The following ABCA12 variants were observed in gnomAD, a reference collection of about 807,000 sequenced individuals.
The protein encoded by ABCA12 is glucosylceramide transporter ABCA12.
Under a neutral mutation model 293.5 loss-of-function variants are expected in ABCA12, and 156 were observed. That is an observed-to-expected ratio of 0.53 (90% CI 0.47 to 0.61). The LOEUF is 0.61. Ranked by LOEUF, ABCA12 falls within the 20% of genes least tolerant of loss-of-function variation. The pLI, the probability that ABCA12 is intolerant of heterozygous loss-of-function variation, is 0.00. For missense variants in ABCA12, 2,797 were observed against 3,090.2 expected (o/e 0.91, Z 2.25); for synonymous variants, 1,063 against 1,108.0 (o/e 0.96, Z 0.81).
At chr2:215,030,208 A>G (rs1700841673) in intron 9 of ABCA12, 1 of 152,188 alleles carries the variant, frequency 6.6e-6, no homozygotes, top group African/African-American at 2.4e-5. Context: ...TCATAAAAAT[A>G]CATGGCTTCA....
intron 2 of ABCA12, among the ~76,000 whole-genome samples, chr2:215,090,093 G>T (rs545428950): frequency 6.6e-6 from 1 of 152,228 alleles, no homozygotes; most frequent in Non-Finnish European, 1.5e-5. Context: ...CTCCCACTGA[G>T]CTTCCTTGTG....
At chr2:214,937,259 C>T (rs1399668980) in intron 51 of ABCA12, among the ~76,000 whole-genome samples, 2 of 152,144 alleles carry the variant, frequency 1.3e-5, no homozygotes, top group Non-Finnish European at 2.9e-5. Flanking sequence ...AGTGCAGTGG[C>T]ATGATCTTGA....
chr2:215,027,038 T>C, intron 9 of ABCA12, 100 bp from the exon 10 acceptor site: 1 of 894,148 alleles, frequency 1.1e-6, no homozygotes, highest in Non-Finnish European at 1.9e-6. Flanking sequence ...ATTGGTTGAC[T>C]TGGACATTGA....
intron 2 of ABCA12, among the ~76,000 whole-genome samples, chr2:215,091,693 G>A (rs1702150554): frequency 6.6e-6 from 1 of 152,174 alleles, no homozygotes; most frequent in African/African-American, 2.4e-5. Context: ...CCTTCAAGGT[G>A]TACAATAATA....
Position 214,945,208 on chromosome 2 carries a change from C to T in ABCA12, c.7240-104G>A, listed in dbSNP as rs770255164. On this transcript the variant is annotated intron_variant, in intron 48 of 52. Transcript: ENST00000272895. The stretch of plus-strand genomic sequence containing the variant: ...ACTTCCCTAGAACAGAAATACTTTT[C>T]GAGGTCCTGTGACTAACTTGTTTTA... The T allele has an allele frequency of 2.8e-5, 27 of 952,160 alleles. 1 individual carries two copies. The highest frequency in any genetic ancestry group is 6.0e-4 in the Middle Eastern group (2 of 3,318). The allele number at this position is 952,160 out of a possible 1,614,324, so 59.0% of individuals were successfully genotyped here. A position where few individuals can be genotyped will look rare whatever the true frequency, so the allele number is the denominator to read the frequency against.
intron 2 of ABCA12, among the ~76,000 whole-genome samples, chr2:215,104,184 T>C (rs971281726): frequency 7.9e-5 from 12 of 152,092 alleles, no homozygotes; most frequent in African/African-American, 2.7e-4. Flanking sequence ...ACAATCACCT[T>C]TGGGAAGCTT....
At chr2:215,108,383 G>A (rs1009929932) in intron 2 of ABCA12, among the ~76,000 whole-genome samples, 4 of 152,148 alleles carry the variant, frequency 2.6e-5, no homozygotes, top group African/African-American at 9.7e-5. Flanking sequence ...TTTACAAAAT[G>A]TAAATGATGC....
At chr2:214,935,320 G>A (rs561455299) in intron 51 of ABCA12, among the ~76,000 whole-genome samples, 4 of 152,046 alleles carry the variant, frequency 2.6e-5, no homozygotes, top group Admixed American at 2.6e-4. Context: ...TATAGCCCTG[G>A]TCCCATGAGG....
chr2:215,122,067 T>C (rs965241442), intron 1 of ABCA12, among the ~76,000 whole-genome samples: 2 of 152,234 alleles, frequency 1.3e-5, no homozygotes, highest in African/African-American at 4.8e-5. Flanking sequence ...AATCCGTACT[T>C]ATAGATTTGA....
intron 10 of ABCA12, 39 bp from the exon 11 acceptor site, chr2:215,025,818 C>T (rs763221212): frequency 2.7e-6 from 4 of 1,460,548 alleles, no homozygotes; most frequent in South Asian, 2.3e-5. Context: ...ATGTGAATTG[C>T]AAGGTCATTT....
chr2:215,111,707 G>T lies in ABCA12; in HGVS notation c.70-17C>A. The T allele has an allele frequency of 6.3e-7, 1 of 1,590,452 alleles. No homozygotes were observed. Reference sequence around the variant, plus strand: ...TGTCCAAAGCTGCAAAATAATGGTAGAAAAAATTGTTAGTTTTATTGTTGA... The same window carrying T: ...TGTCCAAAGCTGCAAAATAATGGTATAAAAAATTGTTAGTTTTATTGTTGA... On this transcript the variant is annotated splice_polypyrimidine_tract_variant and intron_variant, in intron 1 of 52. Transcript: ENST00000272895.
chr2:214,943,437 G>A (rs537587001), intron 49 of ABCA12, among the ~76,000 whole-genome samples: 17 of 152,094 alleles, frequency 1.1e-4, no homozygotes, highest in East Asian at 3.9e-4. Context: ...ATGAGCCACC[G>A]TGCCTGGCCT....
intron 3 of ABCA12, among the ~76,000 whole-genome samples, chr2:215,062,124 G>C (rs561491557): frequency 1.4e-4 from 22 of 152,004 alleles, no homozygotes; most frequent in Admixed American, 1.0e-3. Context: ...AAGTATAGAG[G>C]GTGTCTTGCT....
Position 215,064,055 on chromosome 2 carries a change from A to T in ABCA12, c.317+11T>A, listed in dbSNP as rs373925046. 7.8e-5 allele frequency: 126 copies of T among 1,612,488 alleles called. 1 individual carries two copies. In the African/African-American group the frequency reaches 1.5e-3, roughly 19 times the overall value. On this transcript the variant is annotated intron_variant, in intron 3 of 52. Coordinates refer to ENST00000272895, the MANE Select transcript of ABCA12 (RefSeq NM_173076.3). Reference sequence around the variant, plus strand: ...TCAGAACAATTGAACACACTTGAGAAGTGCCCCCACCTGTCTTTAAATAGT... The same window carrying T: ...TCAGAACAATTGAACACACTTGAGATGTGCCCCCACCTGTCTTTAAATAGT...
Position 215,090,295 on chromosome 2 carries a change from A to G in ABCA12, c.163+21302T>C, listed in dbSNP as rs150182722. 7.2e-3 allele frequency among the ~76,000 whole-genome samples: 1,093 copies of G among 152,206 alleles called. 12 individuals are homozygous for G. The highest frequency in any genetic ancestry group is 0.025 in the African/African-American group (1,033 of 41,534). Reference sequence around the variant, plus strand: ...CCTGTTTGGTGGTCTCTTCACATGGACACGTGTGACATTTGGTGCTGAAGA... The same window carrying G: ...CCTGTTTGGTGGTCTCTTCACATGGGCACGTGTGACATTTGGTGCTGAAGA... On this transcript the variant is annotated intron_variant, in intron 2 of 52. Transcript: ENST00000272895.
Position 214,978,981 on chromosome 2 carries a change from T to G in ABCA12, c.4800A>C (p.Gln1600His), listed in dbSNP as rs766425551. The G allele has an allele frequency of 6.2e-7, 1 of 1,614,132 alleles. No homozygotes were observed. Among genetic ancestry groups the G allele is most frequent in the Non-Finnish European group, 8.5e-7 (1 of 1,179,988 alleles). ...CDTMAVTAMI[Q>H]SHLPEAYLKE... ...TGAGGTAGGCTTCGGGGAGATGTGATTGGATCATTGCTGTCACGGCCATGG... is the reference window on the plus strand; with the variant it reads ...TGAGGTAGGCTTCGGGGAGATGTGAGTGGATCATTGCTGTCACGGCCATGG... The change falls in exon 32 of 53, where the codon CAA (glutamine) becomes CAC (histidine). Residue 1600 changes from glutamine (Q) to histidine (H), a missense_variant. By Grantham distance (24) the Gln-to-His change is conservative. Transcript: ENST00000272895.
chr2:215,107,405 A>C (rs2106123547), intron 2 of ABCA12, among the ~76,000 whole-genome samples: 1 of 152,298 alleles, frequency 6.6e-6, no homozygotes, highest in Middle Eastern at 3.4e-3. Flanking sequence ...GATTGAAACT[A>C]CTTCAAACTT....
intron 11 of ABCA12, among the ~76,000 whole-genome samples, chr2:215,020,008 G>T (rs1700592684): frequency 6.6e-6 from 1 of 151,714 alleles, no homozygotes; most frequent in Non-Finnish European, 1.5e-5. Flanking sequence ...AAAACTTTTG[G>T]GCCTATTAGA....
At chr2:215,122,808 C>T (rs1239103481) in intron 1 of ABCA12, among the ~76,000 whole-genome samples, 3 of 152,024 alleles carry the variant, frequency 2.0e-5, no homozygotes, top group Admixed American at 6.6e-5. Context: ...TAAAAATTTG[C>T]GATTTGGGGG....
Sources: gnomAD v4.1 joint callset for allele counts (sites outside exome capture counted in the v4.1 genomes callset) on GRCh38, gnomAD v4.1.1 for gene constraint, MANE v1.5 for transcripts, NCBI Gene and HGNC (gene_info 2026-07-23, HGNC 2026-07-21) for gene names.